LETM1: variants seen among roughly 807,000 people sequenced by gnomAD.
The protein encoded by LETM1 is leucine zipper and EF-hand containing transmembrane protein 1.
A neutral mutation model predicts 74.5 loss-of-function variants in LETM1; 50 were observed. The observed-to-expected ratio is 0.67, with a 90% CI of 0.53 to 0.85. LETM1 has a LOEUF of 0.85. LETM1 is among the 40% of genes least tolerant of loss of function. The probability of loss-of-function intolerance (pLI) is 0.00; values close to 1 mark genes in which losing one functional copy is unlikely to be tolerated. For synonymous variants in LETM1, 446 were observed against 407.1 expected (o/e 1.10, Z -1.15); for missense variants, 824 against 967.8 (o/e 0.85, Z 1.97).
chr4:1,829,173 C>T (rs1272672195), intron 6 of LETM1, among the ~76,000 whole-genome samples: 1 of 109,816 alleles, frequency 9.1e-6, no homozygotes, highest in Admixed American at 8.3e-5. Context: ...GGGGGCTGAC[C>T]CCCCCCCCAC....
chr4:1,840,373 C>CAT (rs1712643987), intron 3 of LETM1, among the ~76,000 whole-genome samples: 1 of 150,374 alleles, frequency 6.7e-6, no homozygotes, highest in African/African-American at 2.5e-5. Flanking sequence ...TGAGACTCTG[C>CAT]CTCAAAAAAT....
intron 2 of LETM1, among the ~76,000 whole-genome samples, chr4:1,846,136 C>T (rs1322089132): frequency 6.6e-6 from 1 of 151,970 alleles, no homozygotes; most frequent in African/African-American, 2.4e-5. Context: ...GGATTAGAGA[C>T]GTGAGCCACT....
chr4:1,836,549 G>A lies in LETM1; in HGVS notation c.618C>T (p.Leu206=). ...ACACAAGGAACGGCACCAGGCGGAAGAGGTCAGCGCAGATCCGGAGAAACT... is the reference window on the plus strand; with the variant it reads ...ACACAAGGAACGGCACCAGGCGGAAAAGGTCAGCGCAGATCCGGAGAAACT... ...RRQFLRICAD[L]FRLVPFLVFV... Residue 206 remains leucine, a synonymous_variant, in exon 4 of 14, where the codon CTC becomes CTT. Transcript: ENST00000302787. This position sits in a 1 kb window ranked among gnomAD's most constrained non-coding sequence, Gnocchi z 5.8. 1.9e-6 allele frequency: 3 copies of A among 1,613,996 alleles called. No homozygotes were observed. Among genetic ancestry groups the A allele is most frequent in the East Asian group, 2.2e-5 (1 of 44,878 alleles).
chr4:1,851,227 C>T (rs752094620), intron 1 of LETM1, among the ~76,000 whole-genome samples: 4 of 152,136 alleles, frequency 2.6e-5, no homozygotes, highest in South Asian at 2.1e-4. Context: ...AGAGGCTAGG[C>T]GGTGCCGGGA....
At chr4:1,849,251 G>A in intron 1 of LETM1, 42 bp from the exon 2 acceptor site, 2 of 1,375,314 alleles carry the variant, frequency 1.5e-6, no homozygotes, top group Non-Finnish European at 1.0e-6. Flanking sequence ...AGTAAATCAG[G>A]GATTTATACT....
chr4:1,849,160 C>G lies in LETM1; in HGVS notation c.132G>C (p.Leu44Phe). The G allele has an allele frequency of 1.2e-6, 2 of 1,612,888 alleles. No homozygotes were observed. The highest frequency in any genetic ancestry group is 1.7e-6 in the Non-Finnish European group (2 of 1,178,794). Residue 44 changes from leucine (L) to phenylalanine (F), a missense_variant, in exon 2 of 14, where the codon TTG (leucine) becomes TTC (phenylalanine). Coordinates refer to ENST00000302787, the MANE Select transcript of LETM1 (RefSeq NM_012318.3). ...ACTGATTTACTCACAGGCAGTTCCT[C>G]AACCCCAGGGTGCTGGCACAGCTGA... ...AHLSCASTLG[L>F]RNCLNVPFGC...
chr4:1,815,832 G>T, intron 12 of LETM1, 30 bp from the exon 13 acceptor site: 1 of 1,609,068 alleles, frequency 6.2e-7, no homozygotes, highest in Non-Finnish European at 8.5e-7. Context: ...ATGTGGCCAC[G>T]GGCAGGCGTC....
chr4:1,855,100 T>C (rs1252282481), intron 1 of LETM1, among the ~76,000 whole-genome samples: 4 of 152,114 alleles, frequency 2.6e-5, no homozygotes, highest in Non-Finnish European at 4.4e-5. Flanking sequence ...GGCAGAAGGA[T>C]AGCTTGAGCC....
Position 1,814,381 on chromosome 4 carries a change from G to A in LETM1, c.*43C>T. 1 of 1,613,330 alleles carries A rather than the reference G, an allele frequency of 6.2e-7. No homozygotes were observed. Among genetic ancestry groups the A allele is most frequent in the Non-Finnish European group, 8.5e-7 (1 of 1,179,308 alleles). Reference sequence around the variant, plus strand: ...GCAATCGCCCTCACGGCCCTTGCCAGGGTGACGGCACAGCAGGAGGACAGG... The same window carrying A: ...GCAATCGCCCTCACGGCCCTTGCCAAGGTGACGGCACAGCAGGAGGACAGG... On this transcript the variant is annotated 3_prime_UTR_variant, in exon 14 of 14. Coordinates refer to ENST00000302787, the MANE Select transcript of LETM1 (RefSeq NM_012318.3).
In LETM1 at chr4:1,814,229, A is replaced by T; in HGVS notation, c.*195T>A. 1.1e-6 allele frequency: 1 copy of T among 875,170 alleles called. No homozygotes were observed. The highest frequency in any genetic ancestry group is 1.7e-6 in the Non-Finnish European group (1 of 571,750). The allele number at this position is 875,170 out of a possible 1,614,324, so 54.2% of individuals were successfully genotyped here. ...TGTGGATCCAGACACGATTCTGTGG[A>T]GGGGTTCCGGGATTCCAGACAGACT... On this transcript the variant is annotated 3_prime_UTR_variant, in exon 14 of 14. Coordinates refer to ENST00000302787, the MANE Select transcript of LETM1 (RefSeq NM_012318.3).
chr4:1,844,912 C>T lies in LETM1; in HGVS notation c.144-3115G>A, dbSNP rs553896584. On this transcript the variant is annotated intron_variant, in intron 2 of 13. Coordinates refer to ENST00000302787, the MANE Select transcript of LETM1 (RefSeq NM_012318.3). ...AAAAAAAAAAAAAAAAAAAAAAAGG[C>T]CAGGCACAGTGGCTCACGCCTGTAA... Among the ~76,000 whole-genome samples, 87 of 146,218 alleles carry T rather than the reference C, an allele frequency of 6.0e-4. 1 individual carries two copies. The South Asian group carries it at 0.016, about 27-fold the overall frequency.
chr4:1,822,639 T>C (rs891355111), intron 9 of LETM1: 5 of 340,030 alleles, frequency 1.5e-5, no homozygotes, highest in East Asian at 9.0e-5. Context: ...AGGGCCCGCG[T>C]TGAAGAGGAG....
intron 6 of LETM1, among the ~76,000 whole-genome samples, chr4:1,830,505 A>T (rs1354234938): frequency 6.6e-6 from 1 of 151,970 alleles, no homozygotes; most frequent in African/African-American, 2.4e-5. Context: ...TAATTTTTAA[A>T]TTTTTTTGTA....
Position 1,823,786 on chromosome 4 carries a change from G to C in LETM1, c.1201-11C>G. The C allele has an allele frequency of 6.2e-7, 1 of 1,602,428 alleles. No individual in the cohort carries two copies. The highest frequency in any genetic ancestry group is 8.5e-7 in the Non-Finnish European group (1 of 1,173,148). ...GTGCAGGTCCAGCCACTGCAACCAA[G>C]GCCAGGTTCAGCAGATGGGCAGCCC... On this transcript the variant is annotated splice_polypyrimidine_tract_variant and intron_variant, in intron 7 of 13. Transcript: ENST00000302787.
intron 7 of LETM1, 32 bp from the exon 8 acceptor site, chr4:1,823,807 AGCCCCCCAACCCTGCTG>A: frequency 1.3e-6 from 2 of 1,588,070 alleles, no homozygotes; most frequent in Non-Finnish European, 1.7e-6. Flanking sequence ...GCAGATGGGC[AGCCCCCCAACCCTGCTG>A]GCCCCACAGC....
At chr4:1,826,333 C>T (rs1021161891) in intron 6 of LETM1, among the ~76,000 whole-genome samples, 4 of 152,240 alleles carry the variant, frequency 2.6e-5, no homozygotes, top group African/African-American at 7.2e-5. Context: ...GTAGACAGTA[C>T]CACCACCTCC....
chr4:1,848,770 C>T (rs1712970939), intron 2 of LETM1, among the ~76,000 whole-genome samples: 1 of 140,208 alleles, frequency 7.1e-6, no homozygotes, highest in South Asian at 2.3e-4. Flanking sequence ...CAAGAACCTA[C>T]AGACATTAAA....
intron 1 of LETM1, among the ~76,000 whole-genome samples, chr4:1,853,384 A>C (rs1713134693): frequency 6.6e-6 from 1 of 152,262 alleles, no homozygotes; most frequent in Non-Finnish European, 1.5e-5. Flanking sequence ...CCTACTGATC[A>C]AGGTCAACAT....
chr4:1,832,060 G>A (rs1022450401), intron 6 of LETM1, among the ~76,000 whole-genome samples: 1 of 152,150 alleles, frequency 6.6e-6, no homozygotes, highest in Admixed American at 6.5e-5. Flanking sequence ...CAGCACTTTG[G>A]GAGGCCGATG....
Sources: allele counts gnomAD v4.1 joint callset (sites outside exome capture counted in the v4.1 genomes callset), GRCh38; gene constraint gnomAD v4.1.1; non-coding constraint Gnocchi (gnomAD v3.1); transcripts MANE v1.5; gene names NCBI Gene and HGNC (gene_info 2026-07-23, HGNC 2026-07-21).